The following ATF7 variants were observed in gnomAD, a reference collection of about 807,000 sequenced individuals.
ATF7 encodes the protein activating transcription factor 7, also known as cyclic AMP-dependent transcription factor ATF-7.
In ATF7, 10 loss-of-function variants were observed where a neutral mutation model predicts 50.4. The observed-to-expected ratio is 0.20, with a 90% CI of 0.12 to 0.34. ATF7 has a LOEUF of 0.34. Ranked by LOEUF, ATF7 falls within the 10% of genes least tolerant of loss-of-function variation. ATF7 has a pLI of 1.00. For synonymous variants in ATF7, 201 were observed against 226.4 expected (o/e 0.89, Z 1.01); for missense variants, 465 against 613.9 (o/e 0.76, Z 2.56).
intron 5 of ATF7, among the ~76,000 whole-genome samples, chr12:53,536,206 T>A (rs1377327163): frequency 1.3e-5 from 2 of 152,174 alleles, no homozygotes; most frequent in Non-Finnish European, 2.9e-5. Context: ...TATGTACTTT[T>A]GTGTATGACT....
intron 4 of ATF7, among the ~76,000 whole-genome samples, chr12:53,542,046 T>A (rs1004097150): frequency 2.6e-5 from 4 of 151,582 alleles, no homozygotes; most frequent in Non-Finnish European, 4.4e-5. Flanking sequence ...GGTCTTGTGA[T>A]CTGCTTGCCT....
downstream of ATF7, among the ~76,000 whole-genome samples, chr12:53,511,158 G>A (rs902966834): frequency 6.6e-6 from 1 of 151,994 alleles, no homozygotes; most frequent in African/African-American, 2.4e-5. Flanking sequence ...ATTTATAAAG[G>A]AATATACAGA....
At chr12:53,566,959 G>C (rs927325745) in intron 2 of ATF7, among the ~76,000 whole-genome samples, 7 of 152,118 alleles carry the variant, frequency 4.6e-5, no homozygotes, top group Non-Finnish European at 1.0e-4. Context: ...TCACCATCTT[G>C]GTCAGGCTAG....
At chr12:53,586,697 G>A (rs897625862) in intron 2 of ATF7, among the ~76,000 whole-genome samples, 2 of 152,150 alleles carry the variant, frequency 1.3e-5, no homozygotes, top group African/African-American at 4.8e-5. Context: ...CAGGAGCCAA[G>A]CTTTTAGCTC....
intron 1 of ATF7, among the ~76,000 whole-genome samples, chr12:53,620,949 G>A (rs969910496): frequency 2.6e-5 from 4 of 152,106 alleles, no homozygotes; most frequent in Middle Eastern, 3.2e-3. Flanking sequence ...TACAGAAATC[G>A]TAGACTAGTG....
In ATF7 at chr12:53,566,693, T is replaced by C. The variant is rs575862014; in HGVS notation, c.49-14056A>G. The stretch of plus-strand genomic sequence containing the variant: ...GTCCTTGATAAACTTGCTTAGCTGC[T>C]GAAACAGTCCTAATTCTGGACACCT... On this transcript the variant is annotated intron_variant, in intron 2 of 11. Coordinates refer to ENST00000420353, the MANE Select transcript of ATF7 (RefSeq NM_006856.3). Among the ~76,000 whole-genome samples, 6 of 152,350 alleles carry C rather than the reference T, an allele frequency of 3.9e-5. No homozygotes were observed. The East Asian group carries it at 9.6e-4, about 24-fold the overall frequency.
At chr12:53,601,083 AAG>A in intron 1 of ATF7, 62 bp from the exon 2 acceptor site, 1 of 1,147,108 alleles carries the variant, frequency 8.7e-7, no homozygotes, top group Non-Finnish European at 1.2e-6. Flanking sequence ...AAAAAAAAAA[AAG>A]TGCTTCAAAA....
At chr12:53,535,328 C>CAAAAA (rs397938442) in intron 5 of ATF7, among the ~76,000 whole-genome samples, 18 of 64,946 alleles carry the variant, frequency 2.8e-4, no homozygotes, top group South Asian at 1.5e-3. Flanking sequence ...GACTCTGCCT[C>CAAAAA]AAAAAAAAAA....
intron 4 of ATF7, among the ~76,000 whole-genome samples, chr12:53,539,244 A>G (rs1044275166): frequency 3.9e-5 from 6 of 152,214 alleles, no homozygotes; most frequent in Non-Finnish European, 8.8e-5. Flanking sequence ...TTTTTATGGG[A>G]AGCTAATTTT....
intron 1 of ATF7, among the ~76,000 whole-genome samples, chr12:53,620,440 G>A (rs1265206126): frequency 2.0e-5 from 3 of 150,516 alleles, no homozygotes; most frequent in Non-Finnish European, 3.0e-5. Flanking sequence ...GCCGGGCGTA[G>A]TGGCGGGCGC....
chr12:53,595,267 A>G (rs911560797), intron 2 of ATF7, among the ~76,000 whole-genome samples: 3 of 152,194 alleles, frequency 2.0e-5, no homozygotes, highest in African/African-American at 7.2e-5. Context: ...ACTACCACAA[A>G]TGGCATTTAC....
chr12:53,521,738 C>G (rs73103978), intron 11 of ATF7, among the ~76,000 whole-genome samples: 16,413 of 152,212 alleles, frequency 0.11, 1,053 homozygotes, highest in Admixed American at 0.19. Context: ...ATATAAGCTC[C>G]TCAAGGGCAG....
At chr12:53,588,006 C>T (rs1454771691) in intron 2 of ATF7, among the ~76,000 whole-genome samples, 2 of 151,514 alleles carry the variant, frequency 1.3e-5, no homozygotes, top group East Asian at 1.9e-4. Flanking sequence ...CCTGCCACCA[C>T]CCCCAGCTAA....
chr12:53,531,422 CAAA>C (rs541415026), intron 9 of ATF7, among the ~76,000 whole-genome samples: 1 of 61,806 alleles, frequency 1.6e-5, no homozygotes. Context: ...AACTCCATCT[CAAA>C]AAAAAAAAAA....
chr12:53,620,914 A>T (rs1944354113), intron 1 of ATF7, among the ~76,000 whole-genome samples: 2 of 152,174 alleles, frequency 1.3e-5, no homozygotes, highest in Non-Finnish European at 1.5e-5. Flanking sequence ...ATAATTTTTT[A>T]AAATGTGGGG....
chr12:53,515,239 T>A lies in ATF7; in HGVS notation c.*1898A>T, dbSNP rs1937640064. ...TTTAAAACAAATGCAGCAGAACCTG[T>A]TACCTGACTGGTTCACTAGGACAGG... On this transcript the variant is annotated 3_prime_UTR_variant, in exon 12 of 12. Transcript: ENST00000420353. 1 of 152,236 alleles carries A rather than the reference T, an allele frequency of 6.6e-6. No individual in the cohort carries two copies. Among genetic ancestry groups the A allele is most frequent in the African/African-American group, 2.4e-5 (1 of 41,454 alleles). 9.4% of individuals were successfully genotyped at this position (152,236 alleles called of 1,614,324 possible). A position where few individuals can be genotyped will look rare whatever the true frequency, so the allele number is the denominator to read the frequency against.
intron 2 of ATF7, among the ~76,000 whole-genome samples, chr12:53,583,359 T>C (rs924846765): frequency 9.9e-5 from 15 of 151,940 alleles, no homozygotes; most frequent in African/African-American, 3.6e-4. Context: ...CTTATGAGAA[T>C]CTAATGCCTG....
chr12:53,527,747 CCAGAGTGA>C (rs1938560306), intron 9 of ATF7, among the ~76,000 whole-genome samples: 1 of 151,930 alleles, frequency 6.6e-6, no homozygotes, highest in Non-Finnish European at 1.5e-5. Flanking sequence ...TGCACTCCAG[CCAGAGTGA>C]CAGAGTGAGA....
rs948433237 is a variant in ATF7 at position 53,536,685 on chromosome 12, C to T, written c.402+730G>A. ...GGCAGATCGCCTGAGGTCAGGAGATCGAGACCAGCCTGACAAATGTGGTGA... is the reference window on the plus strand; with the variant it reads ...GGCAGATCGCCTGAGGTCAGGAGATTGAGACCAGCCTGACAAATGTGGTGA... On this transcript the variant is annotated intron_variant, in intron 5 of 11. Transcript: ENST00000420353. 5.9e-5 allele frequency among the ~76,000 whole-genome samples: 9 copies of T among 151,850 alleles called. No homozygotes were observed. The South Asian group carries it at 6.2e-4, about 11-fold the overall frequency.
Sources: allele counts gnomAD v4.1 joint callset (sites outside exome capture counted in the v4.1 genomes callset), GRCh38; gene constraint gnomAD v4.1.1; transcripts MANE v1.5; gene names NCBI Gene and HGNC (gene_info 2026-07-23, HGNC 2026-07-21).